PRKCH: variants seen among roughly 807,000 people sequenced by gnomAD.
The protein encoded by PRKCH is protein kinase C eta type.
PRKCH carries 28 observed loss-of-function variants against 82.5 expected under a neutral mutation model. The observed-to-expected ratio is 0.34, with a 90% CI of 0.25 to 0.47. The LOEUF is 0.47. PRKCH is among the 20% of genes least tolerant of loss of function. PRKCH has a pLI of 1.00. For synonymous variants in PRKCH, 322 were observed against 327.4 expected (o/e 0.98, Z 0.18); for missense variants, 705 against 881.8 (o/e 0.80, Z 2.54).
chr14:61,404,303 G>A (rs921415564), intron 2 of PRKCH, among the ~76,000 whole-genome samples: 3 of 152,164 alleles, frequency 2.0e-5, no homozygotes, highest in African/African-American at 7.2e-5. Context: ...ATATGTAAGA[G>A]ACCACCTTAT....
chr14:61,528,183 A>ACACACACACACACACAC (rs1566929563), intron 10 of PRKCH: 3 of 38,604 alleles, frequency 7.8e-5, no homozygotes, highest in African/African-American at 1.7e-4. Context: ...CACACACACA[A>ACACACACACACACACAC]AGTATTTCTT....
chr14:61,221,940 G>A (rs17098131), intron 1 of PRKCH, among the ~76,000 whole-genome samples: 2,342 of 152,166 alleles, frequency 0.015, 45 homozygotes, highest in East Asian at 0.08. Flanking sequence ...TAATCCAAAC[G>A]GTCCACAGAG....
intron 1 of PRKCH, among the ~76,000 whole-genome samples, chr14:61,387,574 T>C (rs1022456980): frequency 3.3e-5 from 5 of 152,172 alleles, no homozygotes; most frequent in Non-Finnish European, 7.3e-5. Context: ...GGCCAGCTGT[T>C]AAGGTAGTGA....
chr14:61,246,363 G>A (rs1186989882), intron 1 of PRKCH, among the ~76,000 whole-genome samples: 1 of 149,006 alleles, frequency 6.7e-6, no homozygotes, highest in Admixed American at 6.8e-5. Context: ...AGCCAAGATC[G>A]ACCCACTGCA....
chr14:61,200,381 G>A (rs1292236709), intron 1 of PRKCH, among the ~76,000 whole-genome samples: 9 of 136,850 alleles, frequency 6.6e-5, no homozygotes, highest in East Asian at 6.5e-4. Flanking sequence ...GTTTAAGTGA[G>A]TGAGTGAGTG....
intron 9 of PRKCH, among the ~76,000 whole-genome samples, chr14:61,484,764 CT>C (rs375542490): frequency 0.027 from 3,306 of 121,176 alleles, 38 homozygotes; most frequent in Middle Eastern, 0.076. Flanking sequence ...ATTTGGCTTC[CT>C]TTTTTTTTTT....
chr14:61,430,797 C>T (rs1883349965), intron 2 of PRKCH, among the ~76,000 whole-genome samples: 1 of 151,940 alleles, frequency 6.6e-6, no homozygotes, highest in Non-Finnish European at 1.5e-5. Flanking sequence ...CTCTGTTGCC[C>T]AGGCTAGAAT....
intron 1 of PRKCH, chr14:61,344,154 C>T (rs777726282): frequency 6.6e-6 from 1 of 152,170 alleles, no homozygotes; most frequent in Admixed American, 6.5e-5. Context: ...ATGATCTCTG[C>T]AAGTTCCCTT....
intron 1 of PRKCH, among the ~76,000 whole-genome samples, chr14:61,251,959 C>T (rs138554245): frequency 0.015 from 2,220 of 152,214 alleles, 21 homozygotes; most frequent in Middle Eastern, 0.037. Flanking sequence ...CCTGCCTCAG[C>T]CTCCTGAGTA....
chr14:61,249,849 G>C (rs1174102352), intron 1 of PRKCH, among the ~76,000 whole-genome samples: 1 of 151,590 alleles, frequency 6.6e-6, no homozygotes, highest in South Asian at 2.1e-4. Flanking sequence ...TCAAACTCCT[G>C]ACCTCGTGAT....
Position 61,549,753 on chromosome 14 carries a change from T to G in PRKCH, c.1974T>G (p.Ile658Met), listed in dbSNP as rs1252562048. The G allele has an allele frequency of 6.2e-7, 1 of 1,613,998 alleles. No individual in the cohort carries two copies. The highest frequency in any genetic ancestry group is 2.2e-5 in the East Asian group (1 of 44,874). ...FIKEEPVLTP[I>M]DEGHLPMINQ... ...AGGAAGAGCCAGTTTTAACTCCAAT[T>G]GATGAGGGACATCTTCCAATGATTA... The change falls in exon 14 of 14, where the codon ATT (isoleucine) becomes ATG (methionine). Residue 658 changes from isoleucine to methionine, a missense_variant. Around this residue, in one of 5 missense-constraint regions of PRKCH, gnomAD observed 91 missense variants for 81.2 expected, o/e 1.12. Coordinates refer to ENST00000332981, the MANE Select transcript of PRKCH (RefSeq NM_006255.5).
At chr14:61,190,852 C>T (rs1314118303) in intron 1 of PRKCH, among the ~76,000 whole-genome samples, 1 of 152,154 alleles carries the variant, frequency 6.6e-6, no homozygotes, top group African/African-American at 2.4e-5. Context: ...CCACACCCCA[C>T]CCCCAGTTAC....
chr14:61,370,667 T>C (rs2046354235), intron 1 of PRKCH, among the ~76,000 whole-genome samples: 1 of 152,142 alleles, frequency 6.6e-6, no homozygotes, highest in South Asian at 2.1e-4. Context: ...GTACTCATTA[T>C]GTTAGATGTT....
chr14:61,497,009 C>A (rs1886695959), intron 10 of PRKCH, among the ~76,000 whole-genome samples: 1 of 152,120 alleles, frequency 6.6e-6, no homozygotes, highest in South Asian at 2.1e-4. Flanking sequence ...TAAATGAAAG[C>A]CTTCTGGAAA....
At chr14:61,323,901 G>C (rs369142749) in intron 1 of PRKCH, among the ~76,000 whole-genome samples, 3 of 152,206 alleles carry the variant, frequency 2.0e-5, no homozygotes, top group African/African-American at 4.8e-5. Flanking sequence ...GAGTTAGGTC[G>C]GGCAAAGCTC....
intron 1 of PRKCH, chr14:61,281,642 C>G (rs1356022410): frequency 6.0e-6 from 1 of 167,378 alleles, no homozygotes; most frequent in African/African-American, 2.4e-5. Context: ...GCTCCGGCCT[C>G]CAGCAGAAAT....
At chr14:61,549,542 A>G (rs996797787) in intron 13 of PRKCH, 143 bp from the exon 14 acceptor site, 3 of 945,014 alleles carry the variant, frequency 3.2e-6, no homozygotes, top group South Asian at 3.3e-5. Flanking sequence ...GCACAGTTTC[A>G]TCATAACAAT....
At chr14:61,476,336 CGG>C (rs1885726106) in intron 9 of PRKCH, 1 of 152,136 alleles carries the variant, frequency 6.6e-6, no homozygotes, top group Non-Finnish European at 1.5e-5. Flanking sequence ...CAAGGGTTTC[CGG>C]TCCCCCATGG....
At chr14:61,363,758 G>T (rs568120455) in intron 1 of PRKCH, among the ~76,000 whole-genome samples, 1 of 150,542 alleles carries the variant, frequency 6.6e-6, no homozygotes, top group South Asian at 2.1e-4. Context: ...AGAAGGCAAC[G>T]GGCAGGGGAT....
Sources: gnomAD v4.1 joint callset for allele counts (sites outside exome capture counted in the v4.1 genomes callset) on GRCh38, gnomAD v4.1.1 for gene constraint, gnomAD v4.1.1 regional missense constraint, MANE v1.5 for transcripts, NCBI Gene and HGNC (gene_info 2026-07-23, HGNC 2026-07-21) for gene names.